Variants in TSHZ2 observed in about 807,000 individuals in gnomAD.
The protein encoded by TSHZ2 is teashirt homolog 2.
Under a neutral mutation model 74.4 loss-of-function variants are expected in TSHZ2, and 21 were observed. The observed-to-expected ratio is 0.28, with a 90% confidence interval of 0.20 to 0.41. The LOEUF is 0.41. TSHZ2 is among the 10% of genes least tolerant of loss of function. The pLI, the probability that TSHZ2 is intolerant of heterozygous loss-of-function variation, is 1.00. For synonymous variants in TSHZ2, 540 were observed against 515.3 expected (o/e 1.05, Z -0.65); for missense variants, 1,244 against 1,293.5 (o/e 0.96, Z 0.59).
At chr20:53,312,920 G>A (rs552817752) in intron 2 of TSHZ2, among the ~76,000 whole-genome samples, 3 of 152,262 alleles carry the variant, frequency 2.0e-5, no homozygotes, top group Admixed American at 2.0e-4. Flanking sequence ...TTCTTTCCAT[G>A]AAGGACTGTC....
intron 1 of TSHZ2, among the ~76,000 whole-genome samples, chr20:53,125,247 G>A (rs1184979861): frequency 1.3e-5 from 2 of 152,142 alleles, no homozygotes; most frequent in Non-Finnish European, 2.9e-5. Flanking sequence ...TAATTACAAA[G>A]AGATATTGTG....
rs1249799865 is a variant in TSHZ2 at position 53,254,298 on chromosome 20, T to C, written c.840T>C (p.Cys280=). The change falls in exon 2 of 3, where the codon TGT becomes TGC. Residue 280 remains cysteine (C), a synonymous_variant. Transcript: ENST00000371497. The part of the protein sequence containing the change: ...DAQKVLKCMF[C]GDSFDSLQDL... ...AAAAGGTTCTGAAATGTATGTTTTG[T>C]GGCGACTCCTTTGATTCCCTCCAAG... The C allele has an allele frequency of 6.2e-7, 1 of 1,614,022 alleles. No homozygotes were observed. Among genetic ancestry groups the C allele is most frequent in the Non-Finnish European group, 8.5e-7 (1 of 1,180,028 alleles).
chr20:53,213,566 C>A (rs1023566376), intron 1 of TSHZ2, among the ~76,000 whole-genome samples: 2 of 151,924 alleles, frequency 1.3e-5, no homozygotes, highest in Admixed American at 1.3e-4. Flanking sequence ...CACACACACA[C>A]GAGAGACAGA....
In TSHZ2 at chr20:53,254,942, C is replaced by A; in HGVS notation, c.1484C>A (p.Thr495Lys). The change falls in exon 2 of 3, where the codon ACA becomes AAA. Residue 495 changes from threonine (T) to lysine (K), a missense_variant. By Grantham distance (78) the Thr-to-Lys change is moderately conservative (BLOSUM62 -1). Transcript: ENST00000371497. ...CCTCTACAAAAACCTTTAGACCCTA[C>A]AATCAAATATCAATACCTAAGGGAG... is the stretch of plus-strand genomic sequence containing the variant. ...EDPLQKPLDP[T>K]IKYQYLREED... is the part of the protein sequence containing the mutation. 6.2e-7 allele frequency: 1 copy of A among 1,613,880 alleles called. No homozygotes were observed. The highest frequency in any genetic ancestry group is 8.5e-7 in the Non-Finnish European group (1 of 1,179,934).
intron 2 of TSHZ2, among the ~76,000 whole-genome samples, chr20:53,351,971 A>G (rs1600825180): frequency 6.6e-6 from 1 of 152,350 alleles, no homozygotes; most frequent in Non-Finnish European, 1.5e-5. Context: ...GACAGAATGT[A>G]CACAAAATAC....
At chr20:53,168,602 A>G (rs139318644) in intron 1 of TSHZ2, 3 of 152,300 alleles carry the variant, frequency 2.0e-5, no homozygotes, top group Non-Finnish European at 2.9e-5. Flanking sequence ...TTGTATTAGG[A>G]TAATTAAGGC....
chr20:53,265,761 C>T (rs1402649352), intron 2 of TSHZ2, among the ~76,000 whole-genome samples: 3 of 152,226 alleles, frequency 2.0e-5, no homozygotes, highest in Admixed American at 1.3e-4. Flanking sequence ...TTTACATACA[C>T]ATAAGTAATT....
chr20:53,051,494 C>CACACACACAA (rs1234256850), intron 1 of TSHZ2, among the ~76,000 whole-genome samples: 16 of 147,916 alleles, frequency 1.1e-4, no homozygotes, highest in Admixed American at 7.3e-4. Flanking sequence ...CACACACACA[C>CACACACACAA]AATTCAGGTG....
intron 1 of TSHZ2, among the ~76,000 whole-genome samples, chr20:53,143,164 A>G (rs752465334): frequency 1.3e-5 from 2 of 152,208 alleles, no homozygotes; most frequent in Non-Finnish European, 2.9e-5. Context: ...AGGGGCCTGT[A>G]GGAGTGAAGG....
At chr20:53,194,981 A>C (rs1484797406) in intron 1 of TSHZ2, among the ~76,000 whole-genome samples, 2 of 151,976 alleles carry the variant, frequency 1.3e-5, no homozygotes. Flanking sequence ...CTCCTCCCAC[A>C]CTTTTTTTCA....
intron 2 of TSHZ2, among the ~76,000 whole-genome samples, chr20:53,320,706 A>C (rs1979224090): frequency 6.6e-6 from 1 of 152,202 alleles, no homozygotes; most frequent in South Asian, 2.1e-4. Context: ...GACTCAACAG[A>C]AAAAATAAAA....
chr20:53,019,484 T>C (rs1426335073), intron 1 of TSHZ2, among the ~76,000 whole-genome samples: 1 of 152,104 alleles, frequency 6.6e-6, no homozygotes, highest in Non-Finnish European at 1.5e-5. Context: ...AGCTACAGTT[T>C]CTTACTGAGG....
chr20:52,972,389 A>C lies in TSHZ2; in HGVS notation c.-905A>C, dbSNP rs1028450354. 6.6e-6 allele frequency: 1 copy of C among 152,148 alleles called. No individual in the cohort carries two copies. Among genetic ancestry groups the C allele is most frequent in the Non-Finnish European group, 1.5e-5 (1 of 68,144 alleles). The allele number at this position is 152,148 out of a possible 1,614,324, so 9.4% of individuals were successfully genotyped here. On this transcript the variant is annotated 5_prime_UTR_variant, in exon 1 of 3. Transcript: ENST00000371497. ...TTCAGCGGGATCGATGTTTGCTGGC[A>C]TCGCCTCGCCCTGTCTTGTGTGTGT...
chr20:53,002,562 C>A (rs1244763492), intron 1 of TSHZ2, among the ~76,000 whole-genome samples: 2 of 151,874 alleles, frequency 1.3e-5, no homozygotes, highest in Admixed American at 6.6e-5. Context: ...TTTTACCCAC[C>A]TTTTGATGTT....
intron 1 of TSHZ2, among the ~76,000 whole-genome samples, chr20:53,102,370 G>T (rs1266523365): frequency 6.7e-6 from 1 of 150,136 alleles, no homozygotes; most frequent in Non-Finnish European, 1.5e-5. Context: ...TTCACTTTTT[G>T]TCACATAGAC....
At chr20:53,099,408 C>T (rs1401230390) in intron 1 of TSHZ2, among the ~76,000 whole-genome samples, 1 of 152,192 alleles carries the variant, frequency 6.6e-6, no homozygotes, top group Non-Finnish European at 1.5e-5. Context: ...TTGCAGAAAG[C>T]CTCCACAATC....
At chr20:52,989,862 C>CT (rs984106761) in intron 1 of TSHZ2, among the ~76,000 whole-genome samples, 8 of 146,528 alleles carry the variant, frequency 5.5e-5, no homozygotes, top group Admixed American at 1.4e-4. Context: ...ATTTTTTTTC[C>CT]TTTTTTTTTA....
intron 2 of TSHZ2, among the ~76,000 whole-genome samples, chr20:53,316,861 A>G (rs771701433): frequency 6.6e-5 from 10 of 152,206 alleles, no homozygotes; most frequent in Non-Finnish European, 1.2e-4. Flanking sequence ...CATCCTTTTC[A>G]TAAGGAGAAA....
At chr20:53,192,953 G>A (rs1030858996) in intron 1 of TSHZ2, among the ~76,000 whole-genome samples, 1 of 152,160 alleles carries the variant, frequency 6.6e-6, no homozygotes, top group South Asian at 2.1e-4. Context: ...AGTTCAAAGT[G>A]GGAATCTTCT....
Sources: allele counts gnomAD v4.1 joint callset (sites outside exome capture counted in the v4.1 genomes callset), GRCh38; gene constraint gnomAD v4.1.1; transcripts MANE v1.5; gene names NCBI Gene and HGNC (gene_info 2026-07-23, HGNC 2026-07-21).